Variants in SYNE2 observed in about 807,000 individuals in gnomAD.
SYNE2 encodes spectrin repeat containing nuclear envelope protein 2.
In SYNE2, 431 loss-of-function variants were observed where a neutral mutation model predicts 856.3. The observed-to-expected ratio is 0.50, with a 90% CI of 0.47 to 0.55. SYNE2 has a LOEUF of 0.55. Ranked by LOEUF, SYNE2 falls within the 20% of genes least tolerant of loss-of-function variation. SYNE2 has a pLI of 0.00. For synonymous variants in SYNE2, 2,923 were observed against 2,872.3 expected, an observed-to-expected ratio of 1.02 and a Z score of -0.56; for missense variants, 8,129 against 8,023.2, an observed-to-expected ratio of 1.01 and a Z score of -0.50.
Position 64,186,448 on chromosome 14 carries a change from T to C in SYNE2, c.17581T>C (p.Trp5861Arg). 6.2e-7 allele frequency: 1 copy of C among 1,614,216 alleles called. No individual in the cohort carries two copies. Among genetic ancestry groups the C allele is most frequent in the Non-Finnish European group, 8.5e-7 (1 of 1,180,030 alleles). ...IKELEQSLAS[W>R]TQNLKELQTM... ...GGAACTAGAACAGTCTTTGGCTAGCTGGACTCAGAACTTGAAAGAACTTCA... is the reference window on the plus strand; with the variant it reads ...GGAACTAGAACAGTCTTTGGCTAGCCGGACTCAGAACTTGAAAGAACTTCA... Residue 5861 changes from tryptophan (W) to arginine (R), a missense_variant, in exon 97 of 116, where the codon TGG (tryptophan) becomes CGG (arginine). Trp to Arg is a moderately radical substitution (Grantham distance 101, BLOSUM62 -3). This residue lies in a region of SYNE2 where 5,410 missense variants were observed against 5,284.8 expected (regional missense o/e 1.02). Transcript: ENST00000555002.
At chr14:64,147,207 G>A (rs2098195261) in intron 84 of SYNE2, among the ~76,000 whole-genome samples, 1 of 152,066 alleles carries the variant, frequency 6.6e-6, no homozygotes, top group Non-Finnish European at 1.5e-5. Context: ...ACTCCTTACT[G>A]TCTGGCCAGT....
intron 1 of SYNE2, among the ~76,000 whole-genome samples, chr14:63,809,924 C>T (rs1888549317): frequency 6.6e-6 from 1 of 152,214 alleles, no homozygotes. Context: ...CATTCTCTCT[C>T]CTTATCAAGG....
intron 78 of SYNE2, 132 bp from the exon 79 acceptor site, chr14:64,137,655 A>G (rs555469870): frequency 3.3e-6 from 3 of 911,682 alleles, no homozygotes; most frequent in Admixed American, 4.2e-5. Context: ...CAGACTATAT[A>G]GTCTTGAATG....
intron 53 of SYNE2, among the ~76,000 whole-genome samples, chr14:64,074,696 G>A (rs545286601): frequency 6.6e-6 from 1 of 152,166 alleles, no homozygotes; most frequent in African/African-American, 2.4e-5. Context: ...AGGAGGTCAA[G>A]ACCAGCCTGG....
chr14:63,762,586 TTTTTC>T (rs1886527056), intron 1 of SYNE2, among the ~76,000 whole-genome samples: 1 of 74,946 alleles, frequency 1.3e-5, no homozygotes, highest in Non-Finnish European at 3.4e-5. Flanking sequence ...GTAGGATAAT[TTTTTC>T]TTTCTTTTTT....
chr14:63,785,325 G>T (rs943814920), intron 1 of SYNE2, among the ~76,000 whole-genome samples: 1 of 152,070 alleles, frequency 6.6e-6, no homozygotes, highest in Non-Finnish European at 1.5e-5. Context: ...TAGGTAGGTG[G>T]TGCACACCTG....
chr14:64,082,979 G>A (rs1224448488), intron 57 of SYNE2, among the ~76,000 whole-genome samples: 1 of 152,160 alleles, frequency 6.6e-6, no homozygotes, highest in Non-Finnish European at 1.5e-5. Context: ...TTGCGCAGGT[G>A]TGTTTCCCTT....
In SYNE2 at chr14:64,068,408, T is replaced by C. The variant is rs190040366; in HGVS notation, c.10432-2237T>C. ...TTTGTGGCCTTTTGAGTTTACTTTTTTTCACTAAGCATAATGCACTTGAAA... is the reference window on the plus strand; with the variant it reads ...TTTGTGGCCTTTTGAGTTTACTTTTCTTCACTAAGCATAATGCACTTGAAA... On this transcript the variant is annotated intron_variant, in intron 51 of 115. Coordinates refer to ENST00000555002, the MANE Select transcript of SYNE2 (RefSeq NM_182914.3). Among the ~76,000 whole-genome samples the C allele has an allele frequency of 1.7e-3, 261 of 152,322 alleles. 3 individuals are homozygous for C. Among genetic ancestry groups the C allele is most frequent in the African/African-American group, 5.7e-3 (237 of 41,576 alleles).
At chr14:63,837,446 G>T (rs761357885) in intron 1 of SYNE2, among the ~76,000 whole-genome samples, 1 of 152,030 alleles carries the variant, frequency 6.6e-6, no homozygotes, top group Non-Finnish European at 1.5e-5. Context: ...TAGATAAATT[G>T]GACTTTATCA....
intron 43 of SYNE2, among the ~76,000 whole-genome samples, chr14:64,028,312 G>A (rs1486331433): frequency 1.3e-5 from 2 of 152,090 alleles, no homozygotes; most frequent in Middle Eastern, 3.2e-3. Context: ...CTAGAGTGCA[G>A]TGTTGCAATC....
chr14:64,197,387 G>A (rs2098545200), intron 99 of SYNE2, among the ~76,000 whole-genome samples: 1 of 152,186 alleles, frequency 6.6e-6, no homozygotes, highest in African/African-American at 2.4e-5. Flanking sequence ...GAGGCAATGA[G>A]CTCAGACGTG....
intron 19 of SYNE2, 41 bp downstream of exon 19, chr14:63,986,658 T>G: frequency 6.3e-7 from 1 of 1,599,600 alleles, no homozygotes; most frequent in Non-Finnish European, 8.6e-7. Flanking sequence ...TTCATGGTTG[T>G]GCATTTATGT....
chr14:63,893,850 G>T (rs1398726097), intron 1 of SYNE2, among the ~76,000 whole-genome samples: 1 of 152,158 alleles, frequency 6.6e-6, no homozygotes, highest in East Asian at 1.9e-4. Context: ...TCTAAGTGAT[G>T]CAAGGATGTC....
intron 1 of SYNE2, among the ~76,000 whole-genome samples, chr14:63,828,559 A>G (rs1304004800): frequency 1.3e-5 from 2 of 152,068 alleles, no homozygotes; most frequent in African/African-American, 4.8e-5. Flanking sequence ...GGATTACTTG[A>G]GCCCAGGAGT....
In SYNE2 at chr14:64,220,487, C is replaced by A. The variant is rs201444715; in HGVS notation, c.19911C>A (p.Asn6637Lys). ...ACAAGGCATTAGTGGTCTCTGTCAACGTGAGCAGCAAGGAATTTCTGCAAA... is the reference window on the plus strand; with the variant it reads ...ACAAGGCATTAGTGGTCTCTGTCAAAGTGAGCAGCAAGGAATTTCTGCAAA... Reference protein sequence around the residue: ...DTYKALVVSVNVSSKEFLQTE... With the variant: ...DTYKALVVSVKVSSKEFLQTE... The change falls in exon 111 of 116, where the codon AAC becomes AAA. Residue 6637 changes from asparagine to lysine, a missense_variant. By Grantham distance (94) the Asn-to-Lys change is moderately conservative (BLOSUM62 0). Around this residue, in one of 3 missense-constraint regions of SYNE2, gnomAD observed 5,410 missense variants for 5,284.8 expected, o/e 1.02. Transcript: ENST00000555002. The A allele has an allele frequency of 2.5e-6, 4 of 1,614,196 alleles. No homozygotes were observed.
At chr14:64,026,446 TA>T (rs2096979489) in intron 41 of SYNE2, 132 bp from the exon 42 acceptor site, 1 of 727,934 alleles carries the variant, frequency 1.4e-6, no homozygotes, top group African/African-American at 1.8e-5. Flanking sequence ...CGGGTACATA[TA>T]AAAATGAAAA....
intron 25 of SYNE2, 68 bp from the exon 26 acceptor site, chr14:63,998,151 G>C: frequency 9.2e-7 from 1 of 1,089,454 alleles, no homozygotes; most frequent in South Asian, 1.3e-5. Flanking sequence ...TTGAACATAA[G>C]CATTTATCTT....
intron 1 of SYNE2, among the ~76,000 whole-genome samples, chr14:63,831,904 A>T (rs1486790537): frequency 6.6e-6 from 1 of 152,008 alleles, no homozygotes; most frequent in African/African-American, 2.4e-5. Flanking sequence ...AAAATATCAC[A>T]TTATTTTAAA....
chr14:63,961,247 C>T (rs1453147520), intron 8 of SYNE2, among the ~76,000 whole-genome samples: 1 of 152,230 alleles, frequency 6.6e-6, no homozygotes, highest in East Asian at 1.9e-4. Flanking sequence ...TGCCTTCAGA[C>T]ATACCCCATA....
Sources: gnomAD v4.1 joint callset for allele counts (sites outside exome capture counted in the v4.1 genomes callset) on GRCh38, gnomAD v4.1.1 for gene constraint, gnomAD v4.1.1 regional missense constraint, MANE v1.5 for transcripts, NCBI Gene and HGNC (gene_info 2026-07-23, HGNC 2026-07-21) for gene names.